PAAF1: variants seen among roughly 807,000 people sequenced by gnomAD.
PAAF1 encodes the protein proteasomal ATPase-associated factor 1.
In PAAF1, 46 loss-of-function variants were observed where a neutral mutation model predicts 52.8. That is an observed-to-expected ratio of 0.87 (90% CI 0.69 to 1.11). The LOEUF is 1.11. PAAF1 is among the 50% of genes most tolerant of loss of function. PAAF1 has a pLI of 0.00. For missense variants in PAAF1, 424 were observed against 477.4 expected, an observed-to-expected ratio of 0.89 and a Z score of 1.04; for synonymous variants, 178 against 172.8, an observed-to-expected ratio of 1.03 and a Z score of -0.24.
intron 4 of PAAF1, among the ~76,000 whole-genome samples, chr11:73,897,607 C>T (rs1949445097): frequency 6.6e-6 from 1 of 150,954 alleles, no homozygotes; most frequent in South Asian, 2.1e-4. Context: ...AAGAGGCGCT[C>T]CTCACTTCCT....
chr11:73,891,301 C>T, intron 4 of PAAF1, 100 bp downstream of exon 4: 1 of 666,514 alleles, frequency 1.5e-6, no homozygotes, highest in Non-Finnish European at 2.5e-6. Flanking sequence ...ATTAATATGT[C>T]TTTCATTTAC....
chr11:73,909,297 A>G (rs886602933), intron 6 of PAAF1, 102 bp from the exon 7 acceptor site: 1 of 1,027,474 alleles, frequency 9.7e-7, no homozygotes, highest in Non-Finnish European at 1.4e-6. Flanking sequence ...TGTTCAGAAC[A>G]TGTTTGTGAA....
At chr11:73,918,367 T>C (rs1950126042) in intron 9 of PAAF1, among the ~76,000 whole-genome samples, 1 of 142,560 alleles carries the variant, frequency 7.0e-6, no homozygotes, top group Non-Finnish European at 1.5e-5. Context: ...TTTTTTTTTT[T>C]TTTTTTTTTT....
chr11:73,888,426 G>T (rs1949118028), intron 3 of PAAF1, among the ~76,000 whole-genome samples: 1 of 152,144 alleles, frequency 6.6e-6, no homozygotes, highest in Non-Finnish European at 1.5e-5. Context: ...TTGTCTTTGA[G>T]GTGAGTAGAT....
At chr11:73,908,450 G>A (rs1949838264) in intron 6 of PAAF1, among the ~76,000 whole-genome samples, 1 of 150,326 alleles carries the variant, frequency 6.7e-6, no homozygotes, top group Non-Finnish European at 1.5e-5. Flanking sequence ...CACTGCCCAG[G>A]CTGGAGTGCA....
At chr11:73,896,899 C>T (rs767427605) in intron 4 of PAAF1, among the ~76,000 whole-genome samples, 5 of 151,182 alleles carry the variant, frequency 3.3e-5, no homozygotes, top group Non-Finnish European at 7.4e-5. Context: ...CCTCACCTCC[C>T]GGACGGGGCG....
At chr11:73,877,799 T>A (rs1948784703) in intron 1 of PAAF1, among the ~76,000 whole-genome samples, 1 of 151,974 alleles carries the variant, frequency 6.6e-6, no homozygotes, top group South Asian at 2.1e-4. Flanking sequence ...GGCAGGAGAA[T>A]CGGTTGAACC....
chr11:73,921,807 C>T (rs1565153305), intron 10 of PAAF1: 1 of 1,152,792 alleles, frequency 8.7e-7, no homozygotes, highest in Non-Finnish European at 1.3e-6. Context: ...AGGCCCTCAT[C>T]ACTTCATCTT....
intron 9 of PAAF1, among the ~76,000 whole-genome samples, chr11:73,917,197 A>C (rs898143589): frequency 3.3e-5 from 5 of 151,672 alleles, no homozygotes; most frequent in African/African-American, 1.2e-4. Context: ...ATTTTTGTAT[A>C]TTTAGTAGAG....
chr11:73,903,959 C>T (rs568688758), intron 6 of PAAF1, among the ~76,000 whole-genome samples: 1 of 151,510 alleles, frequency 6.6e-6, no homozygotes, highest in Non-Finnish European at 1.5e-5. Context: ...TGGTGTGCGC[C>T]TGTAATCCCA....
At chr11:73,897,873 G>A (rs1158845611) in intron 4 of PAAF1, among the ~76,000 whole-genome samples, 3 of 112,456 alleles carry the variant, frequency 2.7e-5, no homozygotes, top group African/African-American at 1.4e-4. Flanking sequence ...TCACACCACT[G>A]CACTCCAGCC....
intron 7 of PAAF1, among the ~76,000 whole-genome samples, chr11:73,912,141 T>G (rs1162669987): frequency 6.6e-6 from 1 of 152,200 alleles, no homozygotes; most frequent in Non-Finnish European, 1.5e-5. Flanking sequence ...CTTCTACCTT[T>G]AAATACTAGA....
chr11:73,913,684 G>A (rs1225421198), intron 7 of PAAF1, among the ~76,000 whole-genome samples: 2 of 143,254 alleles, frequency 1.4e-5, no homozygotes, highest in Non-Finnish European at 3.0e-5. Context: ...TCACATAGAA[G>A]ATGAGGGTAA....
chr11:73,921,281 CAG>C (rs1950209591), intron 10 of PAAF1, among the ~76,000 whole-genome samples: 1 of 143,876 alleles, frequency 7.0e-6, no homozygotes. Flanking sequence ...GCCTCAGCGA[CAG>C]AGTGAGACTG....
In PAAF1 at chr11:73,907,412, C is replaced by G. The variant is rs1360130228; in HGVS notation, c.533-1987C>G. 2.0e-5 allele frequency among the ~76,000 whole-genome samples: 3 copies of G among 152,282 alleles called. No individual in the cohort carries two copies. The East Asian group carries it at 5.8e-4, about 29-fold the overall frequency. On this transcript the variant is annotated intron_variant, in intron 6 of 11. Transcript: ENST00000310571. ...ACTGCAGACAGGGGAGGTGGAAGTT[C>G]AGCTTCCCCCTTGGTCCTGTGTCAT...
chr11:73,926,922 AG>A (rs1176045338), intron 11 of PAAF1, among the ~76,000 whole-genome samples: 2 of 152,216 alleles, frequency 1.3e-5, no homozygotes, highest in Non-Finnish European at 2.9e-5. Flanking sequence ...ACACATATTC[AG>A]AACATTTTTG....
At position 73,922,027 on chromosome 11, in the gene PAAF1, T is replaced by G. The variant is rs923770708; in HGVS notation, c.1019-2588T>G. 2.7e-5 allele frequency: 22 copies of G among 811,508 alleles called. No homozygotes were observed. In the African/African-American group the frequency reaches 3.6e-4, roughly 13 times the overall value. The allele number at this position is 811,508 out of a possible 1,614,324, so 50.3% of individuals were successfully genotyped here. ...GCTTCATTCTTAACTTCATAGTTTTTGAAGAAGACATTGGCCTTGAACTAA... is the reference window on the plus strand; with the variant it reads ...GCTTCATTCTTAACTTCATAGTTTTGGAAGAAGACATTGGCCTTGAACTAA... On this transcript the variant is annotated intron_variant, in intron 10 of 11. Coordinates refer to ENST00000310571, the MANE Select transcript of PAAF1 (RefSeq NM_025155.3).
At chr11:73,921,490 C>T (rs1331991911) in intron 10 of PAAF1, among the ~76,000 whole-genome samples, 1 of 151,962 alleles carries the variant, frequency 6.6e-6, no homozygotes, top group Non-Finnish European at 1.5e-5. Flanking sequence ...CTGTTGATAA[C>T]CCACTTTCTT....
At chr11:73,897,858 C>T (rs1020953010) in intron 4 of PAAF1, among the ~76,000 whole-genome samples, 2 of 143,972 alleles carry the variant, frequency 1.4e-5, no homozygotes, top group East Asian at 4.0e-4. Context: ...TGTAGCGAGC[C>T]GAGATCACAC....
Sources: allele counts gnomAD v4.1 joint callset (sites outside exome capture counted in the v4.1 genomes callset), GRCh38; gene constraint gnomAD v4.1.1; transcripts MANE v1.5; gene names NCBI Gene and HGNC (gene_info 2026-07-23, HGNC 2026-07-21).